The following XG variants were observed in gnomAD, a reference collection of about 807,000 sequenced individuals.
XG encodes the protein Xg glycoprotein (Xg blood group).
Under a neutral mutation model 25.7 loss-of-function variants are expected in XG, and 24 were observed. The ratio of observed to expected loss-of-function variants is 0.93; its 90% CI spans 0.68 to 1.31. The LOEUF (loss-of-function observed/expected upper bound fraction) is 1.31. XG is among the 40% of genes most tolerant of loss of function. The pLI, the probability that XG is intolerant of heterozygous loss-of-function variation, is 0.00. For synonymous variants in XG, 77 were observed against 69.2 expected (o/e 1.11, Z -0.56); for missense variants, 181 against 187.6 (o/e 0.96, Z 0.21).
chrX:2,776,690 CAAA>C (rs893499220), intron 3 of XG, among the ~76,000 whole-genome samples: 3 of 151,850 alleles, frequency 2.0e-5, no homozygotes, highest in Non-Finnish European at 4.4e-5. Flanking sequence ...CTAAAAAATA[CAAA>C]AAAAATTTGC....
intron 6 of XG, 25 bp downstream of exon 6, chrX:2,794,628 C>T (rs753288260): frequency 8.3e-6 from 10 of 1,203,161 alleles, no homozygotes; most frequent in African/African-American, 5.2e-5. Context: ...TCCCCAGATG[C>T]GACACATTGA....
rs1392948899 is a variant in XG, at chrX:2,773,727, GA to G, written c.104-987del. Among the ~76,000 whole-genome samples, 5 of 15,032 alleles carry G rather than the reference GA, an allele frequency of 3.3e-4. 1 individual carries two copies. The highest frequency in any genetic ancestry group is 1.4e-3 in the African/African-American group (4 of 2,770). 9.9% of individuals were successfully genotyped at this position (15,032 alleles called of 152,430 possible). A position where few individuals can be genotyped will look rare whatever the true frequency, so the allele number is the denominator to read the frequency against. ...GGAAGGAGAGAAGGAAGGAAGGAGA[GA>G]AGGAAGGAAGGAGAGAAGGAAGGAA... is the stretch of plus-strand genomic sequence containing the variant. On this transcript the variant is annotated intron_variant, in intron 2 of 10. Coordinates refer to ENST00000644266, the MANE Select transcript of XG (RefSeq NM_001141919.2).
At chrX:2,759,817 G>A (rs1005325751) in intron 1 of XG, among the ~76,000 whole-genome samples, 14 of 152,216 alleles carry the variant, frequency 9.2e-5, no homozygotes, top group African/African-American at 3.4e-4. Flanking sequence ...GCCAGACACG[G>A]CAAAGCTCCT....
At chrX:2,794,416 G>T (rs1202823193) in intron 5 of XG, 119 bp from the exon 6 acceptor site, 5 of 780,460 alleles carry the variant, frequency 6.4e-6, no homozygotes, top group Non-Finnish European at 9.0e-6. Context: ...CCTGCAAAGA[G>T]CCAGTTGGCG....
intron 1 of XG, among the ~76,000 whole-genome samples, chrX:2,766,822 C>T (rs1603304971): frequency 6.6e-6 from 1 of 152,200 alleles, no homozygotes; most frequent in South Asian, 2.1e-4. Flanking sequence ...GCCTCGGCCT[C>T]CCAAAGTGCT....
At chrX:2,802,283 T>C (rs1249333307) in intron 7 of XG, among the ~76,000 whole-genome samples, 7 of 111,147 alleles carry the variant, frequency 6.3e-5, no homozygotes, top group Admixed American at 5.8e-4. Flanking sequence ...GCCTCCTGTG[T>C]AGCTAGGACC....
intron 3 of XG, among the ~76,000 whole-genome samples, chrX:2,780,418 TTTTTTC>T (rs1266265413): frequency 2.3e-5 from 3 of 131,452 alleles, no homozygotes; most frequent in African/African-American, 7.8e-5. Flanking sequence ...GCTTTTTTTT[TTTTTTC>T]TAAAAAAAAA....
intron 1 of XG, among the ~76,000 whole-genome samples, chrX:2,764,062 T>C (rs2050623383): frequency 6.6e-6 from 1 of 152,204 alleles, no homozygotes; most frequent in Non-Finnish European, 1.5e-5. Context: ...ATGAAACAGC[T>C]TGCCGTAAAG....
intron 1 of XG, among the ~76,000 whole-genome samples, chrX:2,765,578 T>C (rs1005643385): frequency 6.6e-6 from 1 of 152,246 alleles, no homozygotes; most frequent in African/African-American, 2.4e-5. Context: ...TAAATTCTGC[T>C]GGCAATAGCT....
intron 4 of XG, among the ~76,000 whole-genome samples, chrX:2,782,802 C>T (rs910075100): frequency 1.8e-5 from 2 of 111,555 alleles, no homozygotes; most frequent in African/African-American, 6.5e-5. Flanking sequence ...AGAGGCTGCA[C>T]GAGCCCTAAA....
rs1179667048 is a variant in XG, at chrX:2,786,260, C to CTTTTTTTTTTTTTTTTTTTTTTT, written c.191-3367_191-3366insTTTTTTTTTTTTTTTTTTTTTTT. ...CCCCAGCAGCTCCTATCCATGTTGT[C>CTTTTTTTTTTTTTTTTTTTTTTT]TTTTTTTTTTTTTTTTTCAGACAGA... On this transcript the variant is annotated intron_variant, in intron 4 of 10. Transcript: ENST00000644266. Among the ~76,000 whole-genome samples the CTTTTTTTTTTTTTTTTTTTTTTT allele has an allele frequency of 1.5e-4, 9 of 60,569 alleles. 2 individuals carry two copies. The highest frequency in any genetic ancestry group is 6.3e-4 in the African/African-American group (9 of 14,206). The allele number at this position is 60,569 out of a possible 115,157, so 52.6% of individuals were successfully genotyped here. A position where few individuals can be genotyped will look rare whatever the true frequency, so the allele number is the denominator to read the frequency against.
At position 2,767,121 on chromosome X, in the gene XG, G is replaced by T. The variant is rs146136086; in HGVS notation, c.62-3429G>T. On this transcript the variant is annotated intron_variant, in intron 1 of 10. Coordinates refer to ENST00000644266, the MANE Select transcript of XG (RefSeq NM_001141919.2). ...GTATTGTTTCGTAAGCCTGAACCAC[G>T]TGCAGGTCTGAATCAACATAAAGAA... 1.8e-3 allele frequency among the ~76,000 whole-genome samples: 280 copies of T among 152,176 alleles called. 1 individual carries two copies. The highest frequency in any genetic ancestry group is 6.6e-3 in the African/African-American group (273 of 41,534).
intron 2 of XG, among the ~76,000 whole-genome samples, chrX:2,773,478 AGAGGGAAG>A (rs1176161179): frequency 4.4e-5 from 6 of 135,576 alleles, no homozygotes; most frequent in African/African-American, 8.6e-5. Context: ...GGAAAAGGAG[AGAGGGAAG>A]GAAGGAAGGA....
At chrX:2,767,571 A>G (rs1216162939) in intron 1 of XG, among the ~76,000 whole-genome samples, 1 of 152,106 alleles carries the variant, frequency 6.6e-6, no homozygotes, top group Non-Finnish European at 1.5e-5. Context: ...AACCCCGTGA[A>G]AGCAATGGCG....
intron 5 of XG, among the ~76,000 whole-genome samples, chrX:2,791,184 G>A (rs1169280793): frequency 9.0e-6 from 1 of 110,542 alleles, no homozygotes; most frequent in African/African-American, 3.3e-5. Context: ...TCTCACGAAC[G>A]TGAGACACTC....
intron 1 of XG, among the ~76,000 whole-genome samples, chrX:2,762,673 G>A (rs1434182554): frequency 2.0e-5 from 3 of 152,208 alleles, no homozygotes; most frequent in Non-Finnish European, 4.4e-5. Context: ...CAAGCCCCCC[G>A]GGAATAAGAT....
chrX:2,752,752 C>G (rs1441669378), intron 1 of XG, among the ~76,000 whole-genome samples: 1 of 152,156 alleles, frequency 6.6e-6, no homozygotes, highest in Non-Finnish European at 1.5e-5. Flanking sequence ...CTACTTCATC[C>G]CGTGGGGCAG....
At chrX:2,796,185 A>G (rs2086884294) in intron 6 of XG, among the ~76,000 whole-genome samples, 1 of 105,416 alleles carries the variant, frequency 9.5e-6, no homozygotes, top group Non-Finnish European at 1.9e-5. Context: ...ATGCATATGT[A>G]TATGTCTTTA....
At position 2,767,194 on chromosome X, in the gene XG, G is replaced by A. The variant is rs187242718; in HGVS notation, c.62-3356G>A. 5.7e-4 allele frequency among the ~76,000 whole-genome samples: 87 copies of A among 152,214 alleles called. 1 individual carries two copies. In the East Asian group the frequency reaches 0.013, roughly 23 times the overall value. On this transcript the variant is annotated intron_variant, in intron 1 of 10. Transcript: ENST00000644266. Reference sequence around the variant, plus strand: ...TCCAATAAGAAGCATCTTTGAATCCGGCAGGGGTGGAATTTGGGTCCCAGA... The same window carrying A: ...TCCAATAAGAAGCATCTTTGAATCCAGCAGGGGTGGAATTTGGGTCCCAGA...
Sources: allele counts gnomAD v4.1 joint callset (sites outside exome capture counted in the v4.1 genomes callset), GRCh38; gene constraint gnomAD v4.1.1; transcripts MANE v1.5; gene names NCBI Gene and HGNC (gene_info 2026-07-23, HGNC 2026-07-21).